The following NCKAP5 variants were observed in gnomAD, a reference collection of about 807,000 sequenced individuals.
NCKAP5 encodes NCK associated protein 5, also known as nck-associated protein 5.
In NCKAP5, 92 loss-of-function variants were observed where a neutral mutation model predicts 167.0. The observed-to-expected ratio is 0.55, with a 90% CI of 0.47 to 0.66. NCKAP5 has a LOEUF of 0.66. Ranked by LOEUF, NCKAP5 falls within the 30% of genes least tolerant of loss-of-function variation. NCKAP5 has a pLI of 0.00. For missense variants in NCKAP5, 2,378 were observed against 2,315.0 expected (o/e 1.03, Z -0.56); for synonymous variants, 891 against 877.4 (o/e 1.02, Z -0.27).
At chr2:133,353,851 C>T (rs980549) in intron 3 of NCKAP5, among the ~76,000 whole-genome samples, 2 of 152,224 alleles carry the variant, frequency 1.3e-5, no homozygotes, top group African/African-American at 4.8e-5. Context: ...ATCCATCCCA[C>T]TAAGAGCTAC....
rs753215019 is a variant in NCKAP5, at chr2:133,143,198, T to G, written c.208-13087A>C. 3.3e-5 allele frequency among the ~76,000 whole-genome samples: 5 copies of G among 152,074 alleles called. No homozygotes were observed. In the East Asian group the frequency reaches 9.7e-4, roughly 29 times the overall value. ...TATGATCAAAGAATCAGATTCAACA[T>G]GCACAAAGAAAATGGTTCCAATTAG... On this transcript the variant is annotated intron_variant, in intron 5 of 19. Coordinates refer to ENST00000409261, the MANE Select transcript of NCKAP5 (RefSeq NM_207363.3).
At chr2:133,443,520 GC>G (rs1377716518) in intron 3 of NCKAP5, among the ~76,000 whole-genome samples, 1 of 152,110 alleles carries the variant, frequency 6.6e-6, no homozygotes, top group Non-Finnish European at 1.5e-5. Flanking sequence ...CATGGGAAGG[GC>G]CCTCCTTTCT....
chr2:133,514,420 A>G (rs1383149847), intron 3 of NCKAP5, among the ~76,000 whole-genome samples: 3 of 152,110 alleles, frequency 2.0e-5, no homozygotes, highest in African/African-American at 4.8e-5. Flanking sequence ...GTTTTCCCCA[A>G]TTGGAGCTTT....
chr2:133,078,484 G>A (rs565974370), intron 6 of NCKAP5, among the ~76,000 whole-genome samples: 56 of 152,228 alleles, frequency 3.7e-4, no homozygotes, highest in African/African-American at 1.3e-3. Context: ...TGCATGGGGA[G>A]ATTCCCCCAG....
chr2:133,441,385 T>C (rs1391256554), intron 3 of NCKAP5, among the ~76,000 whole-genome samples: 2 of 152,184 alleles, frequency 1.3e-5, no homozygotes, highest in Non-Finnish European at 2.9e-5. Flanking sequence ...CTCAGAATCA[T>C]GCATTGAACC....
At chr2:132,722,887 C>T (rs1366454093) in intron 19 of NCKAP5, among the ~76,000 whole-genome samples, 2 of 151,994 alleles carry the variant, frequency 1.3e-5, no homozygotes. Context: ...GCAACCATGG[C>T]TCACTGTAGC....
At chr2:132,954,882 T>G (rs1019674584) in intron 8 of NCKAP5, 3 of 323,202 alleles carry the variant, frequency 9.3e-6, no homozygotes, top group African/African-American at 6.6e-5. Context: ...ATGGAATTTT[T>G]CTAAAAACTT....
chr2:132,933,177 G>A (rs745737764), intron 8 of NCKAP5, among the ~76,000 whole-genome samples: 91 of 151,882 alleles, frequency 6.0e-4, no homozygotes, highest in Non-Finnish European at 1.2e-3. Context: ...TGCCCGCTGC[G>A]GCCTCCCAAA....
At chr2:133,471,189 A>C (rs931408184) in intron 3 of NCKAP5, among the ~76,000 whole-genome samples, 1 of 152,202 alleles carries the variant, frequency 6.6e-6, no homozygotes, top group Non-Finnish European at 1.5e-5. Context: ...GAGTCCTCTC[A>C]GGTGGCATGC....
intron 6 of NCKAP5, among the ~76,000 whole-genome samples, chr2:133,094,881 C>T (rs753511471): frequency 1.6e-4 from 24 of 152,092 alleles, no homozygotes; most frequent in Non-Finnish European, 3.1e-4. Context: ...CCATGTGCCA[C>T]GGAATGCAGA....
intron 6 of NCKAP5, among the ~76,000 whole-genome samples, chr2:133,063,632 T>C (rs2080087445): frequency 6.6e-6 from 1 of 152,178 alleles, no homozygotes; most frequent in African/African-American, 2.4e-5. Flanking sequence ...GGCCTCTTTG[T>C]TCTAGAATAA....
chr2:133,065,280 C>T (rs549524582), intron 6 of NCKAP5, among the ~76,000 whole-genome samples: 2 of 152,280 alleles, frequency 1.3e-5, no homozygotes, highest in Admixed American at 6.5e-5. Context: ...AAATTAAAAG[C>T]TCAAATGGTA....
At chr2:133,086,389 G>A (rs1054630663) in intron 6 of NCKAP5, among the ~76,000 whole-genome samples, 4 of 152,086 alleles carry the variant, frequency 2.6e-5, no homozygotes, top group African/African-American at 9.7e-5. Context: ...GGTAATCTCC[G>A]CACTATGGGA....
At chr2:133,652,834 A>C in the NCKAP5 span, among the ~76,000 whole-genome samples, 14,493 of 152,220 alleles carry the variant, frequency 0.095, 793 homozygotes, top group African/African-American at 0.12. Flanking sequence ...CTGATGATCT[A>C]CACTCAATTC....
At chr2:133,344,942 A>G (rs527681568) in intron 3 of NCKAP5, among the ~76,000 whole-genome samples, 157 of 152,162 alleles carry the variant, frequency 1.0e-3, no homozygotes, top group Middle Eastern at 6.8e-3. Context: ...ATGAAGATAT[A>G]TGAAGATATG....
intron 3 of NCKAP5, among the ~76,000 whole-genome samples, chr2:133,443,874 G>A (rs1276496986): frequency 6.6e-6 from 1 of 152,128 alleles, no homozygotes; most frequent in Admixed American, 6.5e-5. Context: ...TCAAGATTAT[G>A]GCAGGCTTCT....
chr2:133,565,480 T>C (rs1222679488), intron 1 of NCKAP5, among the ~76,000 whole-genome samples: 1 of 152,176 alleles, frequency 6.6e-6, no homozygotes, highest in Non-Finnish European at 1.5e-5. Flanking sequence ...AATAGAAAAG[T>C]TAAGTGAATT....
chr2:133,641,306 G>A, the NCKAP5 span, among the ~76,000 whole-genome samples: 2 of 152,152 alleles, frequency 1.3e-5, no homozygotes, highest in African/African-American at 2.4e-5. Flanking sequence ...GATTCTTTAT[G>A]AGAGAAAACA....
intron 5 of NCKAP5, among the ~76,000 whole-genome samples, chr2:133,181,514 C>A (rs891961682): frequency 6.9e-5 from 10 of 144,876 alleles, no homozygotes; most frequent in Non-Finnish European, 1.3e-4. Context: ...TAATTAAAAT[C>A]ATATTTCTCT....
Sources: gnomAD v4.1 joint callset for allele counts (sites outside exome capture counted in the v4.1 genomes callset) on GRCh38, gnomAD v4.1.1 for gene constraint, MANE v1.5 for transcripts, NCBI Gene and HGNC (gene_info 2026-07-23, HGNC 2026-07-21) for gene names.